CD33: variants seen among roughly 807,000 people sequenced by gnomAD.
The protein encoded by CD33 is myeloid cell surface antigen CD33.
In CD33, 25 loss-of-function variants were observed where a neutral mutation model predicts 31.4. The observed-to-expected ratio is 0.80, with a 90% CI of 0.58 to 1.11. CD33 has a LOEUF of 1.11. Among genes scored for constraint, CD33 ranks in the 50% most tolerant of loss-of-function variants. The pLI, the probability that CD33 is intolerant of heterozygous loss-of-function variation, is 0.00. For synonymous variants in CD33, 176 were observed against 180.6 expected, an observed-to-expected ratio of 0.97 and a Z score of 0.20; for missense variants, 407 against 448.1, an observed-to-expected ratio of 0.91 and a Z score of 0.83.
At chr19:51,212,658 C>T in the CD33 span, among the ~76,000 whole-genome samples, 1 of 152,194 alleles carries the variant, frequency 6.6e-6, no homozygotes, top group Non-Finnish European at 1.5e-5. Context: ...CCTGCCTCCT[C>T]TTTCTATTTC....
At chr19:51,234,640 CCT>C in intron 4 of CD33, among the ~76,000 whole-genome samples, 1 of 152,104 alleles carries the variant, frequency 6.6e-6, no homozygotes, top group Non-Finnish European at 1.5e-5. Flanking sequence ...AGTGTTGGGA[CCT>C]AGAAGGCACA....
chr19:51,217,805 T>G, the CD33 span, among the ~76,000 whole-genome samples: 1 of 152,342 alleles, frequency 6.6e-6, no homozygotes, highest in East Asian at 1.9e-4. Flanking sequence ...TATTTGACTT[T>G]CCACTTCTGA....
rs765958667 is a variant in CD33, at chr19:51,226,019, G to A, written c.635G>A (p.Cys212Tyr). 2.5e-6 allele frequency: 4 copies of A among 1,614,088 alleles called. No individual in the cohort carries two copies. The highest frequency in any genetic ancestry group is 1.1e-5 in the South Asian group (1 of 91,082). Residue 212 changes from cysteine to tyrosine, a missense_variant, in exon 3 of 7, where the codon TGT becomes TAT. Cys to Tyr is a radical substitution (Grantham distance 194, BLOSUM62 -2). Coordinates refer to ENST00000262262, the MANE Select transcript of CD33 (RefSeq NM_001772.4). ...CAGGACCACGGCACCAACCTGACCT[G>A]TCAGGTGAAGTTCGCTGGAGCTGGT... Reference protein sequence around the residue: ...RPQDHGTNLTCQVKFAGAGVT... With the variant: ...RPQDHGTNLTYQVKFAGAGVT...
chr19:51,212,586 G>A, the CD33 span, among the ~76,000 whole-genome samples: 2 of 151,322 alleles, frequency 1.3e-5, no homozygotes, highest in Non-Finnish European at 2.9e-5. Context: ...ACAAGGGCAG[G>A]GTGATATTCA....
At chr19:51,236,647 A>G (rs1981824894) in intron 6 of CD33, 1 of 152,140 alleles carries the variant, frequency 6.6e-6, no homozygotes. Flanking sequence ...ACACCCCTAA[A>G]CATACTTCTC....
rs746605350 is a variant in CD33 at position 51,225,293 on chromosome 19, T to A, written c.113T>A (p.Leu38His). The A allele has an allele frequency of 3.1e-6, 5 of 1,614,190 alleles. 1 individual carries two copies. In the South Asian group the frequency reaches 5.5e-5, roughly 18 times the overall value. Residue 38 changes from leucine to histidine, a missense_variant, in exon 2 of 7, where the codon CTC becomes CAC. Coordinates refer to ENST00000262262, the MANE Select transcript of CD33 (RefSeq NM_001772.4). ...SVTVQEGLCV[L>H]VPCTFFHPIP... The stretch of plus-strand genomic sequence containing the variant: ...ACGGTACAGGAGGGTTTGTGCGTCC[T>A]CGTGCCCTGCACTTTCTTCCATCCC...
chr19:51,211,159 G>A, the CD33 span: 2 of 1,598,206 alleles, frequency 1.3e-6, no homozygotes, highest in African/African-American at 2.7e-5. Flanking sequence ...AATGGCTGCG[G>A]GGAGAGGGGT....
chr19:51,223,680 A>G (rs1236149485), upstream of CD33, among the ~76,000 whole-genome samples: 1 of 152,238 alleles, frequency 6.6e-6, no homozygotes, highest in Non-Finnish European at 1.5e-5. Flanking sequence ...TGAATGGAAA[A>G]GAAGTTTTTT....
chr19:51,215,572 C>T, the CD33 span, among the ~76,000 whole-genome samples: 1 of 152,140 alleles, frequency 6.6e-6, no homozygotes. Flanking sequence ...GTGTTGTGGA[C>T]GTCTCACCCT....
At position 51,225,804 on chromosome 19, in the gene CD33, C is replaced by A. The variant is rs1319737690; in HGVS notation, c.420C>A (p.Asp140Glu). The A allele has an allele frequency of 6.2e-7, 1 of 1,613,236 alleles. No homozygotes were observed. The highest frequency in any genetic ancestry group is 1.3e-5 in the African/African-American group (1 of 74,872). The change falls in exon 3 of 7, where the codon GAC becomes GAA. Residue 140 changes from aspartate to glutamate, a missense_variant and splice_region_variant. By Grantham distance (45) the Asp-to-Glu change is conservative (BLOSUM62 2). Coordinates refer to ENST00000262262, the MANE Select transcript of CD33 (RefSeq NM_001772.4). ...GCATCCCCTCTTTCTCCTCACTAGACTTGACCCACAGGCCCAAAATCCTCA... is the reference window on the plus strand; with the variant it reads ...GCATCCCCTCTTTCTCCTCACTAGAATTGACCCACAGGCCCAAAATCCTCA... ...KSPQLSVHVT[D>E]LTHRPKILIP...
intron 6 of CD33, chr19:51,237,972 T>A (rs1053690771): frequency 6.6e-6 from 1 of 151,996 alleles, no homozygotes; most frequent in African/African-American, 2.4e-5. Context: ...GAAGGTGGAG[T>A]CAACAGTATT....
upstream of CD33, among the ~76,000 whole-genome samples, chr19:51,221,158 G>A (rs561137567): frequency 4.7e-4 from 72 of 152,300 alleles, no homozygotes; most frequent in African/African-American, 1.7e-3. Flanking sequence ...CTCACCAGAA[G>A]CAAATGCCAG....
intron 4 of CD33, among the ~76,000 whole-genome samples, chr19:51,234,063 C>T (rs1409998076): frequency 6.6e-6 from 1 of 152,002 alleles, no homozygotes; most frequent in Non-Finnish European, 1.5e-5. Context: ...TTTTATTTTT[C>T]AGAGTAGTTT....
Position 51,225,571 on chromosome 19 carries a change from T to C in CD33, c.391T>C (p.Ser131Pro), listed in dbSNP as rs1157821276. Residue 131 changes from serine (S) to proline (P), a missense_variant, in exon 2 of 7, where the codon TCT (serine) becomes CCT (proline). Coordinates refer to ENST00000262262, the MANE Select transcript of CD33 (RefSeq NM_001772.4). Reference protein sequence around the residue: ...ERGSTKYSYKSPQLSVHVTDL... With the variant: ...ERGSTKYSYKPPQLSVHVTDL... The stretch of plus-strand genomic sequence containing the variant: ...AGGAAGTACCAAATACAGTTACAAA[T>C]CTCCCCAGCTCTCTGTGCATGTGAC... 2.6e-5 allele frequency: 41 copies of C among 1,562,360 alleles called. No homozygotes were observed. Among genetic ancestry groups the C allele is most frequent in the Non-Finnish European group, 3.3e-5 (38 of 1,154,048 alleles).
At chr19:51,219,359 T>C in the CD33 span, among the ~76,000 whole-genome samples, 7 of 152,238 alleles carry the variant, frequency 4.6e-5, no homozygotes, top group African/African-American at 7.2e-5. Context: ...CTGATTTTTG[T>C]ACATTGATTT....
At position 51,225,291 on chromosome 19, in the gene CD33, C is replaced by T. The variant is rs1980909633; in HGVS notation, c.111C>T (p.Val37=). 1 of 1,614,046 alleles carries T rather than the reference C, an allele frequency of 6.2e-7. No homozygotes were observed. Among genetic ancestry groups the T allele is most frequent in the Admixed American group, 1.7e-5 (1 of 60,004 alleles). Residue 37 remains valine (V), a synonymous_variant, in exon 2 of 7, where the codon GTC becomes GTT. Transcript: ENST00000262262. The part of the protein sequence containing the change: ...ESVTVQEGLC[V]LVPCTFFHPI... ...TGACGGTACAGGAGGGTTTGTGCGT[C>T]CTCGTGCCCTGCACTTTCTTCCATC...
chr19:51,234,431 T>A (rs1244754581), intron 4 of CD33, among the ~76,000 whole-genome samples: 1 of 152,152 alleles, frequency 6.6e-6, no homozygotes, highest in Middle Eastern at 3.2e-3. Flanking sequence ...CTTTAGGGCA[T>A]TTTTTTCTAC....
At position 51,225,601 on chromosome 19, in the gene CD33, G is replaced by A. The variant is rs1422295398; in HGVS notation, c.418+3G>A. 1 of 1,551,562 alleles carries A rather than the reference G, an allele frequency of 6.4e-7. No homozygotes were observed. The highest frequency in any genetic ancestry group is 8.7e-7 in the Non-Finnish European group (1 of 1,148,934). Reference sequence around the variant, plus strand: ...CCAGCTCTCTGTGCATGTGACAGGTGAGGCACAGGCTTCAGAAGTGGCCGC... The same window carrying A: ...CCAGCTCTCTGTGCATGTGACAGGTAAGGCACAGGCTTCAGAAGTGGCCGC... On this transcript the variant is annotated splice_donor_region_variant and intron_variant, in intron 2 of 6. Coordinates refer to ENST00000262262, the MANE Select transcript of CD33 (RefSeq NM_001772.4).
upstream of CD33, among the ~76,000 whole-genome samples, chr19:51,221,689 A>G (rs921720067): frequency 2.0e-5 from 3 of 152,188 alleles, no homozygotes; most frequent in African/African-American, 7.2e-5. Flanking sequence ...TACACACAGA[A>G]ACCTGCATGC....
Sources: gnomAD v4.1 joint callset for allele counts (sites outside exome capture counted in the v4.1 genomes callset) on GRCh38, gnomAD v4.1.1 for gene constraint, MANE v1.5 for transcripts, NCBI Gene and HGNC (gene_info 2026-07-23, HGNC 2026-07-21) for gene names.